The following C8orf89 variants were observed in gnomAD, a reference collection of about 807,000 sequenced individuals.
C8orf89 encodes putative uncharacterized protein C8orf89.
C8orf89 carries 14 observed loss-of-function variants against 15.8 expected under a neutral mutation model. The ratio of observed to expected loss-of-function variants is 0.89; its 90% CI spans 0.59 to 1.39. The LOEUF (loss-of-function observed/expected upper bound fraction) is 1.39. Among genes scored for constraint, C8orf89 ranks in the 40% most tolerant of loss-of-function variants. The probability of loss-of-function intolerance (pLI) is 0.00; values close to 1 mark genes in which losing one functional copy is unlikely to be tolerated. For missense variants in C8orf89, 181 were observed against 184.5 expected, an observed-to-expected ratio of 0.98 and a Z score of 0.11; for synonymous variants, 55 against 62.2, an observed-to-expected ratio of 0.88 and a Z score of 0.54.
At chr8:73,250,781 C>T (rs897263905) in intron 2 of C8orf89, among the ~76,000 whole-genome samples, 2 of 151,942 alleles carry the variant, frequency 1.3e-5, no homozygotes, top group African/African-American at 2.4e-5. Context: ...TGAGATAATC[C>T]ATTATAAAAT....
the C8orf89 span, among the ~76,000 whole-genome samples, chr8:73,272,779 T>A: frequency 2.0e-5 from 3 of 152,204 alleles, no homozygotes; most frequent in African/African-American, 7.2e-5. Context: ...ACAAAAGACA[T>A]GAACTCATCA....
At chr8:73,247,844 T>A (rs1813160751) in intron 3 of C8orf89, among the ~76,000 whole-genome samples, 1 of 152,222 alleles carries the variant, frequency 6.6e-6, no homozygotes. Context: ...ATATTAGACC[T>A]TTGTCAGATG....
intron 1 of C8orf89, among the ~76,000 whole-genome samples, 171 bp from the exon 2 acceptor site, chr8:73,257,297 A>C (rs111585702): frequency 2.7e-4 from 41 of 152,298 alleles, no homozygotes; most frequent in African/African-American, 9.6e-4. Flanking sequence ...TCCTGACTAT[A>C]GGGACTGCAG....
chr8:73,244,307 C>A (rs1813073789), intron 3 of C8orf89, among the ~76,000 whole-genome samples: 1 of 152,046 alleles, frequency 6.6e-6, no homozygotes. Flanking sequence ...TCTGTACTAT[C>A]TCGAGTTACA....
Position 73,259,412 on chromosome 8 carries a change from G to A in C8orf89, c.47C>T (p.Thr16Ile). 1 of 1,532,934 alleles carries A rather than the reference G, an allele frequency of 6.5e-7. No homozygotes were observed. The highest frequency in any genetic ancestry group is 8.7e-7 in the Non-Finnish European group (1 of 1,144,880). 95.0% of individuals were successfully genotyped at this position (1,532,934 alleles called of 1,614,324 possible). A position where few individuals can be genotyped will look rare whatever the true frequency, so the allele number is the denominator to read the frequency against. ...PEIKCETSKF[T>I]RSSFGSCLIF... The stretch of plus-strand genomic sequence containing the variant: ...CAAACAACTGCCAAAGGAACTTCTG[G>A]TGAATTTAGAAGTCTCACATTTGAT... Residue 16 changes from threonine (T) to isoleucine (I), a missense_variant, in exon 1 of 4, where the codon ACC (threonine) becomes ATC (isoleucine). Thr to Ile is a moderately conservative substitution (Grantham distance 89). Transcript: ENST00000624510.
the C8orf89 span, among the ~76,000 whole-genome samples, chr8:73,278,700 C>A: frequency 6.6e-6 from 1 of 152,188 alleles, no homozygotes; most frequent in Non-Finnish European, 1.5e-5. Flanking sequence ...CTGATTCCAA[C>A]TTCCAAATTT....
chr8:73,246,679 C>A (rs1276536760), intron 3 of C8orf89, among the ~76,000 whole-genome samples: 1 of 152,096 alleles, frequency 6.6e-6, no homozygotes, highest in Non-Finnish European at 1.5e-5. Flanking sequence ...ACCCAGCCAG[C>A]AATGTCTTTT....
chr8:73,258,526 C>T (rs1208486815), intron 1 of C8orf89, among the ~76,000 whole-genome samples: 1 of 151,310 alleles, frequency 6.6e-6, no homozygotes, highest in Non-Finnish European at 1.5e-5. Flanking sequence ...TATTAATATA[C>T]TCATCTACAT....
Position 73,241,564 on chromosome 8 carries a change from A to G in C8orf89, c.379T>C (p.Tyr127His), listed in dbSNP as rs750132062. The change falls in exon 4 of 4, where the codon TAC becomes CAC. Residue 127 changes from tyrosine (Y) to histidine (H), a missense_variant. Tyr to His is a moderately conservative substitution (Grantham distance 83). Coordinates refer to ENST00000624510, the MANE Select transcript of C8orf89 (RefSeq NM_001243237.3). The stretch of plus-strand genomic sequence containing the variant: ...GCTATTTTGGAAAGTCTCTCTAAGT[A>G]TTGAGATGGTGCTCCAGTGAGAGGA... ...SDPLTGAPSQYLERLSKIAIL... is the reference protein window; with the variant it reads ...SDPLTGAPSQHLERLSKIAIL... 1.3e-6 allele frequency: 2 copies of G among 1,532,612 alleles called. No homozygotes were observed. Among genetic ancestry groups the G allele is most frequent in the Middle Eastern group, 1.7e-4 (1 of 5,972 alleles). The allele number at this position is 1,532,612 out of a possible 1,614,324, so 94.9% of individuals were successfully genotyped here. A position where few individuals can be genotyped will look rare whatever the true frequency, so the allele number is the denominator to read the frequency against.
At chr8:73,251,662 GAAAC>G (rs761266013) in intron 2 of C8orf89, among the ~76,000 whole-genome samples, 73 of 152,080 alleles carry the variant, frequency 4.8e-4, no homozygotes, top group Non-Finnish European at 8.1e-4. Flanking sequence ...ATGAAAAACA[GAAAC>G]AAACAAACAA....
chr8:73,270,826 G>C, the C8orf89 span, among the ~76,000 whole-genome samples: 2 of 152,128 alleles, frequency 1.3e-5, no homozygotes, highest in Non-Finnish European at 2.9e-5. Flanking sequence ...CACTTGCAAA[G>C]TGCTTATGTG....
upstream of C8orf89, among the ~76,000 whole-genome samples, chr8:73,261,989 T>C (rs1000881449): frequency 3.3e-5 from 5 of 152,224 alleles, no homozygotes; most frequent in Non-Finnish European, 7.3e-5. Context: ...CTTTCTTTGA[T>C]GTACTTGAAG....
intron 2 of C8orf89, among the ~76,000 whole-genome samples, chr8:73,255,863 A>G (rs1364031858): frequency 3.3e-5 from 5 of 151,390 alleles, no homozygotes; most frequent in Admixed American, 3.3e-4. Context: ...GCAAGGACAA[A>G]AAACCAAACA....
the C8orf89 span, among the ~76,000 whole-genome samples, chr8:73,285,505 A>G: frequency 6.6e-6 from 1 of 152,142 alleles, no homozygotes; most frequent in African/African-American, 2.4e-5. Flanking sequence ...GTGGGACTAG[A>G]TGACCTCTGG....
intron 2 of C8orf89, among the ~76,000 whole-genome samples, chr8:73,255,324 T>C (rs904965802): frequency 1.3e-5 from 2 of 152,094 alleles, no homozygotes; most frequent in African/African-American, 4.8e-5. Flanking sequence ...AAACAGACAC[T>C]TCTCAAAAGA....
Position 73,241,408 on chromosome 8 carries a change from T to C in C8orf89, c.*49A>G, listed in dbSNP as rs1813002437. On this transcript the variant is annotated 3_prime_UTR_variant, in exon 4 of 4. Coordinates refer to ENST00000624510, the MANE Select transcript of C8orf89 (RefSeq NM_001243237.3). ...CATCATATCATATAAAAAAAGAAAA[T>C]ATAAAGCTTAAAAGTCACTGAAGAA... The C allele has an allele frequency of 7.5e-7, 1 of 1,325,876 alleles. No individual in the cohort carries two copies. Among genetic ancestry groups the C allele is most frequent in the East Asian group, 2.7e-5 (1 of 37,394 alleles). The allele number at this position is 1,325,876 out of a possible 1,614,324, so 82.1% of individuals were successfully genotyped here.
the C8orf89 span, among the ~76,000 whole-genome samples, chr8:73,282,827 G>C: frequency 2.6e-5 from 4 of 152,212 alleles, no homozygotes; most frequent in African/African-American, 9.7e-5. Flanking sequence ...AGATTCAGCA[G>C]AGAAAAAGGA....
chr8:73,265,110 T>C, the C8orf89 span, among the ~76,000 whole-genome samples: 1 of 152,296 alleles, frequency 6.6e-6, no homozygotes. Context: ...AAATATCTCA[T>C]TAACAATTTA....
chr8:73,256,564 C>T (rs566043741), intron 2 of C8orf89, among the ~76,000 whole-genome samples: 51 of 151,736 alleles, frequency 3.4e-4, no homozygotes, highest in African/African-American at 1.2e-3. Context: ...TCCGTCTCTA[C>T]TAAAAATACA....
Sources: gnomAD v4.1 joint callset for allele counts (sites outside exome capture counted in the v4.1 genomes callset) on GRCh38, gnomAD v4.1.1 for gene constraint, MANE v1.5 for transcripts, NCBI Gene and HGNC (gene_info 2026-07-23, HGNC 2026-07-21) for gene names.